Variants in RELN observed in about 807,000 individuals in gnomAD.
RELN encodes reelin.
RELN carries 108 observed loss-of-function variants against 427.6 expected under a neutral mutation model. That is an observed-to-expected ratio of 0.25 (90% CI 0.22 to 0.30). RELN has a LOEUF of 0.30. Ranked by LOEUF, RELN falls within the 10% of genes least tolerant of loss-of-function variation. The probability of loss-of-function intolerance (pLI) is 1.00; values close to 1 mark genes in which losing one functional copy is unlikely to be tolerated. For missense variants in RELN, 3,715 were observed against 4,302.8 expected (o/e 0.86, Z 3.82); for synonymous variants, 1,524 against 1,513.4 (o/e 1.01, Z -0.16).
chr7:103,704,701 G>A (rs181962291), intron 8 of RELN, among the ~76,000 whole-genome samples: 78 of 151,030 alleles, frequency 5.2e-4, no homozygotes, highest in African/African-American at 1.7e-3. Context: ...AAACTTTCTC[G>A]ATGTCACACC....
At chr7:103,886,534 G>A (rs1055141727) in intron 2 of RELN, among the ~76,000 whole-genome samples, 3 of 152,138 alleles carry the variant, frequency 2.0e-5, no homozygotes, top group Non-Finnish European at 4.4e-5. Flanking sequence ...TTGATTTTAA[G>A]CAATGGTGAA....
chr7:103,694,571 C>T (rs1237947250), intron 10 of RELN, among the ~76,000 whole-genome samples: 1 of 151,754 alleles, frequency 6.6e-6, no homozygotes, highest in African/African-American at 2.4e-5. Context: ...AGTAAGTGTT[C>T]AATAAAAAGT....
chr7:103,797,777 G>T (rs922349436), intron 3 of RELN, among the ~76,000 whole-genome samples: 4 of 152,142 alleles, frequency 2.6e-5, no homozygotes, highest in African/African-American at 9.7e-5. Flanking sequence ...GGGGCATGTG[G>T]TGTATATAAA....
chr7:103,773,401 GTCTC>G lies in RELN; in HGVS notation c.544+3152_544+3155del, dbSNP rs1187643108. On this transcript the variant is annotated intron_variant, in intron 4 of 64. Transcript: ENST00000428762. ...TCCCTCCCTCCCTCGCTCCCTCCCT[GTCTC>G]TCTCTCTCTCTCCCTCGCTCCCTCT... Among the ~76,000 whole-genome samples the G allele has an allele frequency of 1.9e-3, 16 of 8,438 alleles. 1 individual carries two copies. The highest frequency in any genetic ancestry group is 7.0e-3 in the African/African-American group (12 of 1,718). The allele number at this position is 8,438 out of a possible 152,430, so 5.5% of individuals were successfully genotyped here.
intron 6 of RELN, among the ~76,000 whole-genome samples, chr7:103,728,713 C>T (rs188992506): frequency 6.6e-6 from 1 of 152,064 alleles, no homozygotes; most frequent in East Asian, 1.9e-4. Flanking sequence ...GTGTTTTATA[C>T]ATTTTAAACA....
chr7:103,833,883 T>C (rs1380947400), intron 2 of RELN, among the ~76,000 whole-genome samples: 1 of 152,238 alleles, frequency 6.6e-6, no homozygotes, highest in Admixed American at 6.5e-5. Context: ...GCTGGAATCA[T>C]TGCTATAATA....
chr7:103,941,566 T>C (rs1223064030), intron 1 of RELN, among the ~76,000 whole-genome samples: 1 of 152,204 alleles, frequency 6.6e-6, no homozygotes, highest in East Asian at 1.9e-4. Context: ...GTTAAATGTT[T>C]TCTAATCATA....
chr7:103,692,408 C>G (rs996331493), intron 10 of RELN, among the ~76,000 whole-genome samples: 3 of 152,072 alleles, frequency 2.0e-5, no homozygotes, highest in African/African-American at 7.2e-5. Flanking sequence ...GGAATCAATG[C>G]CAGCTCACAA....
chr7:103,673,924 C>G (rs761594666), intron 11 of RELN, among the ~76,000 whole-genome samples: 1 of 152,010 alleles, frequency 6.6e-6, no homozygotes, highest in African/African-American at 2.4e-5. Flanking sequence ...TCCTCCTCTT[C>G]CCTGCCCCTC....
At chr7:103,853,250 C>G (rs1286560445) in intron 2 of RELN, among the ~76,000 whole-genome samples, 2 of 152,044 alleles carry the variant, frequency 1.3e-5, no homozygotes, top group African/African-American at 2.4e-5. Context: ...TATTTGAATA[C>G]ACATTCACTT....
chr7:103,773,280 TCTCCCTCG>T (rs1359791716), intron 4 of RELN, among the ~76,000 whole-genome samples: 4 of 129,426 alleles, frequency 3.1e-5, no homozygotes, highest in Admixed American at 7.6e-5. Context: ...TGTCTCTCTC[TCTCCCTCG>T]CTCCCTCTCT....
Position 103,483,642 on chromosome 7 carries a change from G to A in RELN, c.10181+11C>T, listed in dbSNP as rs1057521244. The A allele has an allele frequency of 1.9e-6, 3 of 1,613,382 alleles. No individual in the cohort carries two copies. The highest frequency in any genetic ancestry group is 2.5e-6 in the Non-Finnish European group (3 of 1,179,448). On this transcript the variant is annotated intron_variant, in intron 62 of 64. Transcript: ENST00000428762. ...TGCATGAGACCATGCCTTTCCATTTGGGCCACTTACAGGGGGACATTGTAA... is the reference window on the plus strand; with the variant it reads ...TGCATGAGACCATGCCTTTCCATTTAGGCCACTTACAGGGGGACATTGTAA...
intron 38 of RELN, among the ~76,000 whole-genome samples, chr7:103,555,168 G>A (rs1298957729): frequency 6.6e-6 from 1 of 151,942 alleles, no homozygotes; most frequent in Non-Finnish European, 1.5e-5. Context: ...AGATAATAAC[G>A]GCAAAAGCCA....
intron 1 of RELN, among the ~76,000 whole-genome samples, chr7:103,979,273 C>A (rs1796941632): frequency 6.6e-6 from 1 of 152,182 alleles, no homozygotes; most frequent in Non-Finnish European, 1.5e-5. Flanking sequence ...GGTGACAAAT[C>A]AAGAAACATT....
At chr7:103,599,507 G>A (rs1033508546) in intron 24 of RELN, among the ~76,000 whole-genome samples, 3 of 151,852 alleles carry the variant, frequency 2.0e-5, no homozygotes, top group African/African-American at 4.8e-5. Flanking sequence ...TTTCTGAGCT[G>A]AACACCTTAG....
chr7:103,511,013 C>G lies in RELN; in HGVS notation c.8120-8G>C. On this transcript the variant is annotated splice_region_variant and splice_polypyrimidine_tract_variant and intron_variant, in intron 50 of 64. Transcript: ENST00000428762. ...ATAGCCAGTGCTCATTCACTTAAAA[C>G]AAAAAAACAAAATTTTATGACAAAT... 1 of 1,610,274 alleles carries G rather than the reference C, an allele frequency of 6.2e-7. No individual in the cohort carries two copies. The highest frequency in any genetic ancestry group is 8.5e-7 in the Non-Finnish European group (1 of 1,177,114).
intron 8 of RELN, among the ~76,000 whole-genome samples, chr7:103,713,514 T>G (rs80257399): frequency 0.021 from 3,134 of 152,248 alleles, 106 homozygotes; most frequent in African/African-American, 0.072. Context: ...TAGAAGCTGT[T>G]ACTCTCAGGG....
intron 16 of RELN, among the ~76,000 whole-genome samples, chr7:103,643,021 T>A (rs1832725299): frequency 6.6e-6 from 1 of 152,140 alleles, no homozygotes; most frequent in Admixed American, 6.6e-5. Context: ...TCCATTCGTC[T>A]GCTTTTTGGA....
At chr7:103,690,443 A>C (rs1316707433) in intron 10 of RELN, among the ~76,000 whole-genome samples, 1 of 152,140 alleles carries the variant, frequency 6.6e-6, no homozygotes, top group African/African-American at 2.4e-5. Flanking sequence ...ATCCACAACC[A>C]CATGACAGAG....
Sources: gnomAD v4.1 joint callset for allele counts (sites outside exome capture counted in the v4.1 genomes callset) on GRCh38, gnomAD v4.1.1 for gene constraint, MANE v1.5 for transcripts, NCBI Gene and HGNC (gene_info 2026-07-23, HGNC 2026-07-21) for gene names.